The following KCNMA1 variants were observed in gnomAD, a reference collection of about 807,000 sequenced individuals.
The protein encoded by KCNMA1 is Calcium-activated potassium channel subunit alpha-1.
KCNMA1 carries 29 observed loss-of-function variants against 140.0 expected under a neutral mutation model. That is an observed-to-expected ratio of 0.21 (90% CI 0.15 to 0.28). The LOEUF is 0.28. KCNMA1 is among the 10% of genes least tolerant of loss of function. The pLI, the probability that KCNMA1 is intolerant of heterozygous loss-of-function variation, is 1.00. For synonymous variants in KCNMA1, 612 were observed against 611.9 expected (o/e 1.00, Z 0.00); for missense variants, 880 against 1,602.2 (o/e 0.55, Z 7.70).
At chr10:77,513,938 C>T (rs567118305) in intron 1 of KCNMA1, among the ~76,000 whole-genome samples, 5 of 152,360 alleles carry the variant, frequency 3.3e-5, no homozygotes, top group African/African-American at 9.6e-5. Flanking sequence ...CCCCTCTCAC[C>T]GCAGTGCTGC....
intron 1 of KCNMA1, among the ~76,000 whole-genome samples, chr10:77,415,017 C>T (rs1173397706): frequency 1.3e-5 from 2 of 152,204 alleles, no homozygotes; most frequent in Non-Finnish European, 2.9e-5. Context: ...CATCTCACAA[C>T]CTATGGCTTC....
intron 5 of KCNMA1, among the ~76,000 whole-genome samples, chr10:77,134,679 T>C (rs2097945128): frequency 1.3e-5 from 2 of 151,902 alleles, no homozygotes; most frequent in Admixed American, 6.6e-5. Context: ...ACTAAAAAGC[T>C]TGGCCCAACA....
intron 3 of KCNMA1, among the ~76,000 whole-genome samples, chr10:77,240,273 GAT>G (rs1192268099): frequency 3.9e-5 from 6 of 152,324 alleles, no homozygotes; most frequent in Admixed American, 3.9e-4. Flanking sequence ...TAGAGTTAGT[GAT>G]ATGTAGCTCT....
intron 1 of KCNMA1, among the ~76,000 whole-genome samples, chr10:77,445,040 T>C (rs1454435823): frequency 6.6e-6 from 1 of 152,128 alleles, no homozygotes; most frequent in East Asian, 1.9e-4. Context: ...GCCTATGAGA[T>C]AGATGCCCAA....
At chr10:76,871,680 C>T (rs571987047) in exon 28 of KCNMA1, 3 of 152,270 alleles carry the variant, frequency 2.0e-5, no homozygotes, top group African/African-American at 7.2e-5. Flanking sequence ...CATCATTCAC[C>T]CTGCCACATG....
intron 1 of KCNMA1, among the ~76,000 whole-genome samples, chr10:77,482,032 G>C (rs952015842): frequency 6.6e-6 from 1 of 152,210 alleles, no homozygotes; most frequent in Non-Finnish European, 1.5e-5. Context: ...TTCAGCTAAC[G>C]TGCCAAGCAG....
At chr10:77,363,139 T>C (rs2154402531) in intron 2 of KCNMA1, among the ~76,000 whole-genome samples, 1 of 150,074 alleles carries the variant, frequency 6.7e-6, no homozygotes, top group East Asian at 1.9e-4. Context: ...TTCTGAAAAA[T>C]ACACAGTGAG....
At position 77,228,746 on chromosome 10, in the gene KCNMA1, C is replaced by T. The variant is rs56887663; in HGVS notation, c.602+22449G>A. On this transcript the variant is annotated intron_variant, in intron 3 of 27. Coordinates refer to ENST00000286628, the MANE Select transcript of KCNMA1 (RefSeq NM_001161352.2). The stretch of plus-strand genomic sequence containing the variant: ...AAACACTCTCCCGGCTACTGCTTTG[C>T]TCTTTCCCTCCCTCATTATTCACCA... Among the ~76,000 whole-genome samples the T allele has an allele frequency of 6.4e-3, 974 of 152,306 alleles. 8 individuals carry two copies. The highest frequency in any genetic ancestry group is 0.022 in the African/African-American group (912 of 41,564).
chr10:77,338,120 G>A (rs988323836), intron 2 of KCNMA1, among the ~76,000 whole-genome samples: 47 of 152,176 alleles, frequency 3.1e-4, no homozygotes, highest in African/African-American at 1.1e-3. Flanking sequence ...GGGTGAGTGA[G>A]CCTGAAGGCT....
chr10:77,465,944 GAA>G lies in KCNMA1; in HGVS notation c.379-61923_379-61922del, dbSNP rs80260293. On this transcript the variant is annotated intron_variant, in intron 1 of 27. Transcript: ENST00000286628. ...CACCCATGGGATGCTAAGAGGGAAAGAAGAGATCCAAATCCACCCTTGGCAGA... is the reference window on the plus strand; with the variant it reads ...CACCCATGGGATGCTAAGAGGGAAAGGAGATCCAAATCCACCCTTGGCAGA... 3.4e-3 allele frequency among the ~76,000 whole-genome samples: 524 copies of G among 152,326 alleles called. 10 individuals are homozygous for G. The East Asian group carries it at 0.051, about 15-fold the overall frequency.
At chr10:77,091,844 C>G (rs1027584771) in intron 9 of KCNMA1, 6 of 152,148 alleles carry the variant, frequency 3.9e-5, no homozygotes, top group Non-Finnish European at 8.8e-5. Flanking sequence ...AAGAGCCTGC[C>G]CTTTCGTTGT....
In KCNMA1 at chr10:77,073,255, G is replaced by C. The variant is rs764253590; in HGVS notation, c.1594-3C>G. 5 of 1,613,834 alleles carry C rather than the reference G, an allele frequency of 3.1e-6. No homozygotes were observed. The highest frequency in any genetic ancestry group is 3.3e-4 in the Middle Eastern group (2 of 6,084). Reference sequence around the variant, plus strand: ...CTCGGGATGTTTAGCAGATGGGCCTGGGGAAAGAAAAGCAGGTATGAGACC... The same window carrying C: ...CTCGGGATGTTTAGCAGATGGGCCTCGGGAAAGAAAAGCAGGTATGAGACC... On this transcript the variant is annotated splice_region_variant and splice_polypyrimidine_tract_variant and intron_variant, in intron 13 of 27. Transcript: ENST00000286628.
intron 1 of KCNMA1, among the ~76,000 whole-genome samples, chr10:77,555,385 GA>G (rs959090668): frequency 5.3e-5 from 8 of 151,368 alleles, no homozygotes; most frequent in Non-Finnish European, 1.0e-4. Flanking sequence ...GGGGCAGAAA[GA>G]AAAAAAACAG....
chr10:77,315,302 T>C (rs563443220), intron 2 of KCNMA1, among the ~76,000 whole-genome samples: 1 of 152,356 alleles, frequency 6.6e-6, no homozygotes, highest in East Asian at 1.9e-4. Flanking sequence ...CACAGTTTCC[T>C]GCCTGTCTCT....
At chr10:77,298,800 G>A (rs1457656206) in intron 2 of KCNMA1, among the ~76,000 whole-genome samples, 2 of 152,092 alleles carry the variant, frequency 1.3e-5, no homozygotes, top group African/African-American at 2.4e-5. Context: ...CAGAGTGATG[G>A]CCACCAAACC....
chr10:77,579,054 C>G (rs903909987), intron 1 of KCNMA1, among the ~76,000 whole-genome samples: 1 of 152,156 alleles, frequency 6.6e-6, no homozygotes, highest in Admixed American at 6.5e-5. Context: ...AGGGAGGGAG[C>G]CACTAAACCA....
At chr10:77,061,807 T>C (rs1416999097) in intron 14 of KCNMA1, among the ~76,000 whole-genome samples, 1 of 152,192 alleles carries the variant, frequency 6.6e-6, no homozygotes, top group Non-Finnish European at 1.5e-5. Context: ...ATATAAGATG[T>C]CATACTATTC....
At chr10:77,158,748 G>A (rs1400762811) in intron 5 of KCNMA1, among the ~76,000 whole-genome samples, 1 of 152,198 alleles carries the variant, frequency 6.6e-6, no homozygotes, top group Non-Finnish European at 1.5e-5. Flanking sequence ...ATGAGTCAAG[G>A]TCAAGCTTCG....
At chr10:77,276,682 G>C (rs1162578099) in intron 2 of KCNMA1, among the ~76,000 whole-genome samples, 1 of 152,122 alleles carries the variant, frequency 6.6e-6, no homozygotes, top group African/African-American at 2.4e-5. Context: ...CAGATCCCCA[G>C]GGAGTGGGTT....
Sources: allele counts gnomAD v4.1 joint callset (sites outside exome capture counted in the v4.1 genomes callset), GRCh38; gene constraint gnomAD v4.1.1; transcripts MANE v1.5; gene names NCBI Gene and HGNC (gene_info 2026-07-23, HGNC 2026-07-21).